The following MYH7B variants were observed in gnomAD, a reference collection of about 807,000 sequenced individuals.
The protein encoded by MYH7B is myosin-7B.
A neutral mutation model predicts 234.5 loss-of-function variants in MYH7B; 205 were observed. The observed-to-expected ratio is 0.87, with a 90% confidence interval of 0.78 to 0.98. The LOEUF is 0.98. MYH7B is among the 50% of genes least tolerant of loss of function. MYH7B has a pLI of 0.00. For missense variants in MYH7B, 2,652 were observed against 2,633.4 expected, an observed-to-expected ratio of 1.01 and a Z score of -0.15; for synonymous variants, 1,193 against 1,105.0, an observed-to-expected ratio of 1.08 and a Z score of -1.58.
chr20:34,977,560 C>G, intron 3 of MYH7B, 72 bp from the exon 4 acceptor site: 1 of 1,462,386 alleles, frequency 6.8e-7, no homozygotes, highest in Non-Finnish European at 9.4e-7. Context: ...CCTTTTGTGT[C>G]CTGTGGCCAG....
At chr20:34,980,482 G>A in intron 7 of MYH7B, 96 bp from the exon 8 acceptor site, 2 of 1,145,884 alleles carry the variant, frequency 1.7e-6, no homozygotes, top group Non-Finnish European at 2.6e-6. Context: ...AGGTTGCGGT[G>A]AGCCGAGATC....
chr20:34,987,341 A>C (rs560989577), intron 16 of MYH7B, 54 bp downstream of exon 16: 1 of 1,597,162 alleles, frequency 6.3e-7, no homozygotes, highest in African/African-American at 1.3e-5. Context: ...CATCCTGTCC[A>C]TGATGGTTAA....
intron 7 of MYH7B, 59 bp downstream of exon 7, chr20:34,979,863 G>T: frequency 6.4e-7 from 1 of 1,571,828 alleles, no homozygotes; most frequent in Admixed American, 1.7e-5. Context: ...CGGGGCTAGA[G>T]ATGAGGTGCT....
exon 23 of MYH7B, chr20:34,990,761 C>T: frequency 6.2e-7 from 1 of 1,614,162 alleles, no homozygotes; most frequent in South Asian, 1.1e-5. Context: ...AGCTGATGAC[C>T]AACCTGCGGG....
intron 24 of MYH7B, 69 bp downstream of exon 24, chr20:34,991,190 T>A: frequency 9.0e-7 from 1 of 1,115,860 alleles, no homozygotes; most frequent in Non-Finnish European, 1.3e-6. Context: ...GACACACATA[T>A]CAGAGCCCAA....
intron 24 of MYH7B, among the ~76,000 whole-genome samples, 177 bp from the exon 25 acceptor site, chr20:34,992,925 C>T (rs946119960): frequency 6.6e-6 from 1 of 152,154 alleles, no homozygotes; most frequent in African/African-American, 2.4e-5. Flanking sequence ...GGTGACGCAT[C>T]CCTGGCCCCC....
At chr20:34,996,306 G>A (rs1415573483) in intron 28 of MYH7B, 40 bp from the exon 29 acceptor site, 18 of 1,549,496 alleles carry the variant, frequency 1.2e-5, no homozygotes, top group East Asian at 4.9e-5. Flanking sequence ...CTCAGAGTGC[G>A]GGGAAGGGCG....
At chr20:34,984,003 C>A (rs1399994566) in intron 10 of MYH7B, among the ~76,000 whole-genome samples, 34 of 152,200 alleles carry the variant, frequency 2.2e-4, no homozygotes, top group Admixed American at 2.2e-3. Context: ...CTTAGTCCCC[C>A]TGGGTGACAC....
chr20:34,964,434 C>T (rs1009828624), intron 2 of MYH7B, among the ~76,000 whole-genome samples: 25 of 152,206 alleles, frequency 1.6e-4, no homozygotes, highest in African/African-American at 5.8e-4. Context: ...CTATGTGGCT[C>T]TCTGTAGGGA....
intron 10 of MYH7B, 62 bp downstream of exon 10, chr20:34,982,617 C>CCT: frequency 7.4e-7 from 1 of 1,357,256 alleles, no homozygotes; most frequent in Non-Finnish European, 1.0e-6. Context: ...TTTCTTTCTT[C>CCT]CTCTCTTTTT....
intron 2 of MYH7B, among the ~76,000 whole-genome samples, chr20:34,974,194 T>C (rs1330815240): frequency 6.6e-6 from 1 of 151,190 alleles, no homozygotes; most frequent in Non-Finnish European, 1.5e-5. Flanking sequence ...CCCAAAGTGT[T>C]GGGATGACAG....
intron 32 of MYH7B, 44 bp downstream of exon 32, chr20:34,997,684 C>T (rs369008140): frequency 6.4e-5 from 102 of 1,604,746 alleles, no homozygotes; most frequent in Non-Finnish European, 7.7e-5. Flanking sequence ...GACTTTAAAC[C>T]AATCCCGATC....
intron 26 of MYH7B, among the ~76,000 whole-genome samples, 168 bp downstream of exon 26, chr20:34,993,638 A>G (rs1401878362): frequency 6.6e-6 from 1 of 152,176 alleles, no homozygotes; most frequent in Non-Finnish European, 1.5e-5. Context: ...CCCCACCTCA[A>G]AAAACGGGGT....
intron 7 of MYH7B, 44 bp downstream of exon 7, chr20:34,979,848 TGGGGCGGGGCTAGAGATGAGGTGCTG>T: frequency 1.3e-6 from 2 of 1,552,870 alleles, no homozygotes; most frequent in South Asian, 1.2e-5. Context: ...GGCTTGTATG[TGGGGCGGGGCTAGAGATGAGGTGCTG>T]GGGGCGGGCC....
At chr20:34,990,274 G>A (rs2082118121) in exon 22 of MYH7B, 1 of 1,614,062 alleles carries the variant, frequency 6.2e-7, no homozygotes, top group Admixed American at 1.7e-5. Flanking sequence ...AGCGTAAGAA[G>A]GCAGCATCGT....
At chr20:34,974,224 GC>G (rs1170946761) in intron 2 of MYH7B, among the ~76,000 whole-genome samples, 4 of 137,368 alleles carry the variant, frequency 2.9e-5, no homozygotes, top group Non-Finnish European at 6.2e-5. Flanking sequence ...ACCATGCCCA[GC>G]CTTTTTTTTT....
At chr20:34,979,285 T>C (rs964164623) in intron 5 of MYH7B, 105 bp from the exon 6 acceptor site, 1 of 821,670 alleles carries the variant, frequency 1.2e-6, no homozygotes, top group African/African-American at 1.7e-5. Flanking sequence ...CAGAGGGGCT[T>C]TGGGGAGGGT....
chr20:34,979,524 C>T lies in MYH7B; in HGVS notation c.198+28C>T, dbSNP rs1569034619. 3.1e-6 allele frequency: 5 copies of T among 1,600,124 alleles called. No homozygotes were observed. The African/African-American group carries it at 5.4e-5, about 17-fold the overall frequency. On this transcript the variant is annotated intron_variant, in intron 6 of 44. Transcript: ENST00000262873. ...TCCGTTCCCCCTTTCCTGAGATTAG[C>T]CTCTCTGTCCCTAGGCCTCCTGGCC...
Position 34,998,604 on chromosome 20 carries a change from G to A in MYH7B, c.3968G>A (p.Arg1323Gln), listed in dbSNP as rs199900154. The stretch of plus-strand genomic sequence containing the variant: ...GCCGCCCAAAGCCTGGAAGAGTTGC[G>A]GCGCCAGCTAGAGGAGGAAAGCAAG... Residue 1323 changes from arginine (R) to glutamine (Q), a missense_variant, in exon 34 of 45, where the codon CGG (arginine) becomes CAG (glutamine). Arg to Gln is a conservative substitution (Grantham distance 43). Transcript: ENST00000262873. 33 of 1,613,332 alleles carry A rather than the reference G, an allele frequency of 2.0e-5. No individual in the cohort carries two copies. The African/African-American group carries it at 2.4e-4, about 12-fold the overall frequency.
Sources: allele counts gnomAD v4.1 joint callset (sites outside exome capture counted in the v4.1 genomes callset), GRCh38; gene constraint gnomAD v4.1.1; transcripts MANE v1.5; gene names NCBI Gene and HGNC (gene_info 2026-07-23, HGNC 2026-07-21).